COL19A1: variants seen among roughly 807,000 people sequenced by gnomAD.
COL19A1 encodes the protein collagen type XIX alpha 1 chain, also known as collagen alpha-1(XIX) chain.
In COL19A1, 159 loss-of-function variants were observed where a neutral mutation model predicts 190.2. The observed-to-expected ratio is 0.84, with a 90% CI of 0.73 to 0.95. COL19A1 has a LOEUF of 0.95. COL19A1 is among the 40% of genes least tolerant of loss of function. The pLI is 0.00. For synonymous variants in COL19A1, 509 were observed against 458.9 expected (o/e 1.11, Z -1.39); for missense variants, 1,418 against 1,431.9 (o/e 0.99, Z 0.16).
intron 2 of COL19A1, among the ~76,000 whole-genome samples, chr6:69,897,488 C>A (rs1277510614): frequency 2.0e-5 from 3 of 148,374 alleles, no homozygotes; most frequent in Non-Finnish European, 4.4e-5. Flanking sequence ...CACACACACA[C>A]CCCATACTGT....
intron 15 of COL19A1, among the ~76,000 whole-genome samples, chr6:70,090,848 C>A (rs1782879068): frequency 1.3e-5 from 2 of 152,148 alleles, no homozygotes; most frequent in Admixed American, 1.3e-4. Context: ...TGCCACCCAA[C>A]CACACACTTG....
At chr6:70,151,343 T>G in intron 30 of COL19A1, 54 bp from the exon 31 acceptor site, 2 of 1,531,338 alleles carry the variant, frequency 1.3e-6, no homozygotes, top group Non-Finnish European at 1.8e-6. Context: ...ATGTTTATAT[T>G]GTATTGTGTT....
intron 11 of COL19A1, among the ~76,000 whole-genome samples, chr6:69,963,813 TA>T (rs1267732659): frequency 6.6e-6 from 1 of 152,224 alleles, no homozygotes; most frequent in Non-Finnish European, 1.5e-5. Flanking sequence ...TTTATTATAA[TA>T]AATAACTACT....
intron 14 of COL19A1, among the ~76,000 whole-genome samples, chr6:70,066,527 A>G (rs555196109): frequency 1.1e-4 from 16 of 152,248 alleles, no homozygotes; most frequent in Non-Finnish European, 1.8e-4. Context: ...CAGCACACCA[A>G]CATGGCACAT....
chr6:70,180,640 G>A (rs1437384639), intron 44 of COL19A1, 117 bp downstream of exon 44: 1 of 1,047,494 alleles, frequency 9.5e-7, no homozygotes, highest in Admixed American at 2.0e-5. Flanking sequence ...GGAGTAAGAA[G>A]AATGCACAGA....
intron 15 of COL19A1, among the ~76,000 whole-genome samples, chr6:70,100,039 T>C (rs1261210092): frequency 6.6e-6 from 1 of 152,210 alleles, no homozygotes; most frequent in Admixed American, 6.5e-5. Flanking sequence ...CAACATTAAC[T>C]CTGCGATAAA....
At chr6:70,149,603 G>C in intron 27 of COL19A1, 101 bp from the exon 28 acceptor site, 1 of 1,463,306 alleles carries the variant, frequency 6.8e-7, no homozygotes, top group Non-Finnish European at 9.3e-7. Context: ...AAACCCTGTT[G>C]TTCCTCTAAG....
chr6:70,178,084 T>C (rs931762644), intron 42 of COL19A1, among the ~76,000 whole-genome samples: 1 of 152,188 alleles, frequency 6.6e-6, no homozygotes, highest in African/African-American at 2.4e-5. Flanking sequence ...TTTTCATATG[T>C]CATAATTAAA....
At chr6:69,921,368 C>CATATATATT (rs1394217208) in intron 4 of COL19A1, among the ~76,000 whole-genome samples, 2 of 102,496 alleles carry the variant, frequency 2.0e-5, no homozygotes, top group Non-Finnish European at 3.5e-5. Flanking sequence ...TCATATATAT[C>CATATATATT]ATATATATCA....
intron 41 of COL19A1, among the ~76,000 whole-genome samples, chr6:70,173,782 G>C (rs1765641695): frequency 6.6e-6 from 1 of 152,168 alleles, no homozygotes; most frequent in Non-Finnish European, 1.5e-5. Context: ...TAGGCCAGAG[G>C]CTGCTAGAGG....
intron 41 of COL19A1, 81 bp from the exon 42 acceptor site, chr6:70,176,439 A>G: frequency 6.8e-7 from 1 of 1,462,578 alleles, no homozygotes; most frequent in Admixed American, 1.9e-5. Flanking sequence ...TACCAAATCC[A>G]AATTATTATT....
At chr6:70,071,094 T>A (rs1478512237) in intron 15 of COL19A1, among the ~76,000 whole-genome samples, 1 of 152,110 alleles carries the variant, frequency 6.6e-6, no homozygotes, top group Admixed American at 6.6e-5. Context: ...TTTTCATCAA[T>A]GATTAAATAC....
chr6:69,921,443 A>ATATATT lies in COL19A1; in HGVS notation c.267-6465_267-6464insATATTT, dbSNP rs1249566111. Reference sequence around the variant, plus strand: ...CATATATATCATATATATCATATATATCATATATCATATATATCATATATA... The same window carrying ATATATT: ...CATATATATCATATATATCATATATATATATTTCATATATCATATATATCATATATA... On this transcript the variant is annotated intron_variant, in intron 4 of 50. Transcript: ENST00000620364. 1.7e-4 allele frequency among the ~76,000 whole-genome samples: 15 copies of ATATATT among 90,018 alleles called. 1 individual carries two copies. The highest frequency in any genetic ancestry group is 9.7e-4 in the African/African-American group (15 of 15,478). The allele number at this position is 90,018 out of a possible 152,430, so 59.1% of individuals were successfully genotyped here.
intron 1 of COL19A1, among the ~76,000 whole-genome samples, chr6:69,867,242 T>TG (rs1561945908): frequency 2.6e-5 from 4 of 152,070 alleles, no homozygotes; most frequent in South Asian, 4.1e-4. Context: ...GTGCGGCTTC[T>TG]GGGGGGCGGC....
At chr6:70,062,001 G>C (rs747683409) in intron 14 of COL19A1, among the ~76,000 whole-genome samples, 5 of 151,442 alleles carry the variant, frequency 3.3e-5, no homozygotes, top group Non-Finnish European at 5.9e-5. Flanking sequence ...GGCAGGTTTT[G>C]TTGTTTTTTT....
Position 69,879,738 on chromosome 6 carries a change from G to C in COL19A1, c.91+80G>C, listed in dbSNP as rs6919210. On this transcript the variant is annotated intron_variant, in intron 2 of 50. Coordinates refer to ENST00000620364, the MANE Select transcript of COL19A1 (RefSeq NM_001858.6). ...CATTAAAACAAATCTTGTTAAGATT[G>C]AAAAGGCCATAGATTAATGTACTAT... 0.19 allele frequency: 244,489 copies of C among 1,258,860 alleles called. 24,646 individuals carry two copies. Among genetic ancestry groups the C allele is most frequent in the East Asian group, 0.24 (10,060 of 42,076 alleles). 78.0% of individuals were successfully genotyped at this position (1,258,860 alleles called of 1,614,324 possible). A position where few individuals can be genotyped will look rare whatever the true frequency, so the allele number is the denominator to read the frequency against.
At chr6:69,925,692 A>G (rs1387279119) in intron 4 of COL19A1, among the ~76,000 whole-genome samples, 1 of 152,136 alleles carries the variant, frequency 6.6e-6, no homozygotes, top group Non-Finnish European at 1.5e-5. Context: ...GGCCATTTTC[A>G]TGATATTGGT....
chr6:69,959,874 T>G (rs1397240547), intron 9 of COL19A1, 122 bp from the exon 10 acceptor site: 5 of 724,076 alleles, frequency 6.9e-6, no homozygotes, highest in Non-Finnish European at 8.8e-6. Context: ...CTATGCATGA[T>G]AGATATTCAG....
chr6:69,872,338 AG>A (rs1016224298), intron 1 of COL19A1, among the ~76,000 whole-genome samples: 8 of 152,056 alleles, frequency 5.3e-5, no homozygotes, highest in Non-Finnish European at 2.9e-5. Context: ...GGCTATCTAG[AG>A]GCCAGGTATT....
Sources: gnomAD v4.1 joint callset for allele counts (sites outside exome capture counted in the v4.1 genomes callset) on GRCh38, gnomAD v4.1.1 for gene constraint, MANE v1.5 for transcripts, NCBI Gene and HGNC (gene_info 2026-07-23, HGNC 2026-07-21) for gene names.